Variants in MYOF observed in about 807,000 individuals in gnomAD.
MYOF encodes the protein fer-1-like 3, myoferlin.
Under a neutral mutation model 284.2 loss-of-function variants are expected in MYOF, and 244 were observed. That is an observed-to-expected ratio of 0.86 (90% confidence interval 0.77 to 0.95). The LOEUF is 0.95. Among genes scored for constraint, MYOF ranks in the 40% least tolerant of loss-of-function variants. The pLI, the probability that MYOF is intolerant of heterozygous loss-of-function variation, is 0.00. For missense variants in MYOF, 2,496 were observed against 2,560.6 expected (o/e 0.97, Z 0.54); for synonymous variants, 904 against 919.7 (o/e 0.98, Z 0.31).
rs761389971 is a variant in MYOF at position 93,323,336 on chromosome 10, T to G, written c.5294A>C (p.Asp1765Ala). Residue 1765 changes from aspartate to alanine, a missense_variant, in exon 47 of 54, where the codon GAT becomes GCT. Physicochemically the swap from Asp to Ala is moderately radical, Grantham distance 126 (BLOSUM62 -2). Transcript: ENST00000359263. ...TGGCCCCAAACTCTTGGGGAAAACA[T>G]CCACCCACATCTGAAGTTTTCCCTA... is the stretch of plus-strand genomic sequence containing the variant. ...ISQGKLQMWVDVFPKSLGPPG... is the reference protein window; with the variant it reads ...ISQGKLQMWVAVFPKSLGPPG... 3.1e-6 allele frequency: 5 copies of G among 1,613,228 alleles called. No individual in the cohort carries two copies. The highest frequency in any genetic ancestry group is 3.4e-6 in the Non-Finnish European group (4 of 1,179,250).
At chr10:93,341,006 C>T (rs891907973) in intron 38 of MYOF, among the ~76,000 whole-genome samples, 1 of 152,150 alleles carries the variant, frequency 6.6e-6, no homozygotes, top group African/African-American at 2.4e-5. Context: ...TCCGTAGGTG[C>T]CCCTTGGTAT....
chr10:93,423,764 C>T (rs1357708887), intron 5 of MYOF, among the ~76,000 whole-genome samples: 2 of 150,510 alleles, frequency 1.3e-5, no homozygotes, highest in Non-Finnish European at 3.0e-5. Flanking sequence ...ACCCTGGAGG[C>T]GGAGCTTGCA....
chr10:93,421,449 T>C (rs1238468886), intron 5 of MYOF, among the ~76,000 whole-genome samples: 2 of 152,174 alleles, frequency 1.3e-5, no homozygotes, highest in Non-Finnish European at 2.9e-5. Context: ...TTTTGCTCAG[T>C]TGAACTGAAT....
At chr10:93,390,116 A>G (rs1372771320) in intron 17 of MYOF, among the ~76,000 whole-genome samples, 1 of 152,250 alleles carries the variant, frequency 6.6e-6, no homozygotes, top group Non-Finnish European at 1.5e-5. Context: ...GATGAGGTTG[A>G]CCAGATCATA....
intron 5 of MYOF, among the ~76,000 whole-genome samples, chr10:93,421,734 G>T (rs1046057644): frequency 6.6e-6 from 1 of 152,124 alleles, no homozygotes; most frequent in African/African-American, 2.4e-5. Flanking sequence ...GAAGCTTCTT[G>T]AAGCGCTCAC....
chr10:93,394,448 C>CTCTT (rs1846871495), intron 16 of MYOF, among the ~76,000 whole-genome samples: 10 of 28,698 alleles, frequency 3.5e-4, no homozygotes, highest in Admixed American at 2.0e-3. Flanking sequence ...ACCATCTTGT[C>CTCTT]TTTTTTTTTT....
intron 2 of MYOF, among the ~76,000 whole-genome samples, chr10:93,454,787 G>C (rs571841849): frequency 1.1e-4 from 16 of 152,188 alleles, no homozygotes; most frequent in African/African-American, 3.6e-4. Context: ...AGACCAGCCT[G>C]GGCAACATAG....
chr10:93,329,553 G>A, intron 44 of MYOF, 111 bp downstream of exon 44: 1 of 1,126,900 alleles, frequency 8.9e-7, no homozygotes, highest in Non-Finnish European at 1.3e-6. Context: ...ATACCTGAGT[G>A]ATAGGAGCAG....
At chr10:93,333,578 C>A (rs926787523) in intron 42 of MYOF, among the ~76,000 whole-genome samples, 180 bp downstream of exon 42, 8 of 152,050 alleles carry the variant, frequency 5.3e-5, no homozygotes, top group African/African-American at 1.9e-4. Context: ...GGACCTTAAG[C>A]CCCCCGCAAG....
chr10:93,362,347 C>T (rs1163495655), intron 27 of MYOF, among the ~76,000 whole-genome samples: 2 of 151,930 alleles, frequency 1.3e-5, no homozygotes, highest in African/African-American at 2.4e-5. Context: ...CAGGTTCAAG[C>T]GATTCTCCTG....
rs1843259838 is a variant in MYOF at position 93,330,739 on chromosome 10, G to A, written c.4812-905C>T. Among the ~76,000 whole-genome samples, 2 of 152,160 alleles carry A rather than the reference G, an allele frequency of 1.3e-5. 1 individual carries two copies. The highest frequency in any genetic ancestry group is 4.1e-4 in the South Asian group (2 of 4,824). ...GAGAAGGTGCTCAATATGTTCTATTGAAGGAGAAGCTGTGAGAGGCCTCCT... is the reference window on the plus strand; with the variant it reads ...GAGAAGGTGCTCAATATGTTCTATTAAAGGAGAAGCTGTGAGAGGCCTCCT... On this transcript the variant is annotated intron_variant, in intron 43 of 53. Coordinates refer to ENST00000359263, the MANE Select transcript of MYOF (RefSeq NM_013451.4).
intron 12 of MYOF, 63 bp from the exon 13 acceptor site, chr10:93,399,558 A>G (rs1847178558): frequency 1.7e-6 from 2 of 1,199,740 alleles, no homozygotes; most frequent in Admixed American, 2.0e-5. Context: ...GCAAAATTTT[A>G]AAAGTTCTCT....
chr10:93,323,387 T>A, intron 46 of MYOF, 29 bp from the exon 47 acceptor site: 1 of 1,553,232 alleles, frequency 6.4e-7, no homozygotes, highest in Non-Finnish European at 8.8e-7. Flanking sequence ...AAAAGAGGAC[T>A]GAAGTTATAT....
intron 3 of MYOF, among the ~76,000 whole-genome samples, chr10:93,433,914 G>T (rs773041298): frequency 8.6e-5 from 13 of 152,044 alleles, no homozygotes; most frequent in South Asian, 2.1e-4. Context: ...CAACCACATA[G>T]GTCCAGAGAC....
At chr10:93,417,238 GAATA>G (rs1848171174) in intron 5 of MYOF, among the ~76,000 whole-genome samples, 1 of 137,428 alleles carries the variant, frequency 7.3e-6, no homozygotes, top group Non-Finnish European at 1.7e-5. Flanking sequence ...TCTCCTTTCT[GAATA>G]TCAGTAACTG....
chr10:93,448,871 T>C (rs1232145860), intron 3 of MYOF, among the ~76,000 whole-genome samples: 2 of 152,206 alleles, frequency 1.3e-5, no homozygotes, highest in Non-Finnish European at 2.9e-5. Context: ...GGTGTGCACC[T>C]GTAATCCCAG....
chr10:93,358,758 T>C (rs1049279317), intron 29 of MYOF, among the ~76,000 whole-genome samples: 4 of 152,080 alleles, frequency 2.6e-5, no homozygotes, highest in African/African-American at 9.7e-5. Flanking sequence ...ATGAGAACAC[T>C]TGGACACAGG....
intron 16 of MYOF, 70 bp downstream of exon 16, chr10:93,396,072 G>C: frequency 8.0e-7 from 1 of 1,250,710 alleles, no homozygotes; most frequent in South Asian, 1.4e-5. Flanking sequence ...GGCTACCCCA[G>C]TTCATTTTTT....
intron 26 of MYOF, among the ~76,000 whole-genome samples, 156 bp from the exon 27 acceptor site, chr10:93,364,231 C>G (rs1200951462): frequency 6.6e-6 from 1 of 152,242 alleles, no homozygotes; most frequent in African/African-American, 2.4e-5. Flanking sequence ...CCTCTTTGTA[C>G]TAATCGCTTT....
Sources: allele counts gnomAD v4.1 joint callset (sites outside exome capture counted in the v4.1 genomes callset), GRCh38; gene constraint gnomAD v4.1.1; transcripts MANE v1.5; gene names NCBI Gene and HGNC (gene_info 2026-07-23, HGNC 2026-07-21).